NXPE2: variants seen among roughly 807,000 people sequenced by gnomAD.
The protein encoded by NXPE2 is NXPE family member 2.
Under a neutral mutation model 34.4 loss-of-function variants are expected in NXPE2, and 34 were observed. The ratio of observed to expected loss-of-function variants is 0.99; its 90% CI spans 0.75 to 1.31. The LOEUF (loss-of-function observed/expected upper bound fraction) is 1.31. Ranked by LOEUF, NXPE2 falls within the 40% of genes most tolerant of loss-of-function variation. The pLI, the probability that NXPE2 is intolerant of heterozygous loss-of-function variation, is 0.00. For synonymous variants in NXPE2, 235 were observed against 231.3 expected (o/e 1.02, Z -0.15); for missense variants, 649 against 672.5 (o/e 0.97, Z 0.39).
chr11:114,797,124 T>C, the NXPE2 span, among the ~76,000 whole-genome samples: 5 of 152,306 alleles, frequency 3.3e-5, no homozygotes, highest in Admixed American at 6.5e-5. Context: ...ATCGCATGAC[T>C]CACGGTGTAT....
the NXPE2 span, among the ~76,000 whole-genome samples, chr11:114,765,805 A>T: frequency 1.3e-5 from 2 of 151,940 alleles, no homozygotes; most frequent in South Asian, 2.1e-4. Context: ...ACTTGTGAGG[A>T]TTCTCCAAGG....
chr11:114,662,919 C>T, the NXPE2 span, among the ~76,000 whole-genome samples: 11 of 152,126 alleles, frequency 7.2e-5, no homozygotes, highest in Admixed American at 2.0e-4. Context: ...ATATTGAGGG[C>T]CTTGGGTGAG....
the NXPE2 span, among the ~76,000 whole-genome samples, chr11:114,579,362 T>G: frequency 2.7e-4 from 41 of 152,226 alleles, 1 homozygote; most frequent in East Asian, 6.6e-3. Flanking sequence ...AACATGAGAT[T>G]TGGAGGGGAC....
chr11:114,579,059 G>A, the NXPE2 span, among the ~76,000 whole-genome samples: 1 of 152,166 alleles, frequency 6.6e-6, no homozygotes, highest in South Asian at 2.1e-4. Flanking sequence ...GGCTTATTTG[G>A]CTGATGGTTC....
chr11:114,595,949 T>G, the NXPE2 span, among the ~76,000 whole-genome samples: 365 of 152,256 alleles, frequency 2.4e-3, 5 homozygotes, highest in Non-Finnish European at 3.8e-3. Flanking sequence ...AATAAATAAC[T>G]GATGAGAAAA....
chr11:114,614,983 A>G, the NXPE2 span, among the ~76,000 whole-genome samples: 1 of 150,674 alleles, frequency 6.6e-6, no homozygotes, highest in South Asian at 2.1e-4. Context: ...CTCGTGAGTA[A>G]CCACTGTTAC....
chr11:114,720,820 G>A, the NXPE2 span, among the ~76,000 whole-genome samples: 1 of 152,088 alleles, frequency 6.6e-6, no homozygotes, highest in African/African-American at 2.4e-5. Flanking sequence ...AATGTATTCA[G>A]GTCCAGGCAC....
chr11:114,469,501 T>G, the NXPE2 span, among the ~76,000 whole-genome samples: 3 of 152,040 alleles, frequency 2.0e-5, no homozygotes, highest in African/African-American at 7.2e-5. Context: ...TTTCATACTT[T>G]TTTTTTGAGA....
At chr11:114,762,510 A>C in the NXPE2 span, among the ~76,000 whole-genome samples, 29 of 152,198 alleles carry the variant, frequency 1.9e-4, no homozygotes, top group African/African-American at 6.3e-4. Flanking sequence ...AAATGCTGCT[A>C]TCATAAACGA....
chr11:114,585,607 G>GTA, the NXPE2 span, among the ~76,000 whole-genome samples: 3 of 151,968 alleles, frequency 2.0e-5, no homozygotes, highest in Admixed American at 6.6e-5. Context: ...GTGTGTGTGT[G>GTA]TGTATATATA....
the NXPE2 span, among the ~76,000 whole-genome samples, chr11:114,465,851 TAAC>T: frequency 1.3e-5 from 2 of 152,314 alleles, no homozygotes; most frequent in African/African-American, 4.8e-5. Flanking sequence ...ATGAAGAACT[TAAC>T]AACGGCATGG....
At chr11:114,774,047 C>G in the NXPE2 span, among the ~76,000 whole-genome samples, 1 of 152,206 alleles carries the variant, frequency 6.6e-6, no homozygotes, top group African/African-American at 2.4e-5. Context: ...CAGGTAATGC[C>G]TCTACTGCTC....
chr11:114,746,017 T>G, the NXPE2 span, among the ~76,000 whole-genome samples: 1 of 152,070 alleles, frequency 6.6e-6, no homozygotes, highest in Non-Finnish European at 1.5e-5. Context: ...TAAATATAAA[T>G]TTTATATATC....
the NXPE2 span, among the ~76,000 whole-genome samples, chr11:114,739,280 TTTCC>T: frequency 0.038 from 3,667 of 96,628 alleles, 173 homozygotes; most frequent in Middle Eastern, 0.067. Flanking sequence ...TTGCCATTAT[TTTCC>T]TTCCTTCCTT....
chr11:114,522,483 G>A, the NXPE2 span: 1 of 1,600,672 alleles, frequency 6.2e-7, no homozygotes, highest in African/African-American at 1.3e-5. Flanking sequence ...CCAGTTTCAT[G>A]AAGATCAAAA....
At chr11:114,544,145 G>A in the NXPE2 span, among the ~76,000 whole-genome samples, 1 of 152,118 alleles carries the variant, frequency 6.6e-6, no homozygotes, top group Non-Finnish European at 1.5e-5. Context: ...ATATTGTTAG[G>A]ATGTCAGTTC....
the NXPE2 span, among the ~76,000 whole-genome samples, chr11:114,758,161 ACTT>A: frequency 0.11 from 16,381 of 152,078 alleles, 996 homozygotes; most frequent in Middle Eastern, 0.16. Context: ...AGACACTATG[ACTT>A]CTTCTCCGTC....
At chr11:114,723,919 G>T in the NXPE2 span, among the ~76,000 whole-genome samples, 1 of 152,098 alleles carries the variant, frequency 6.6e-6, no homozygotes, top group East Asian at 1.9e-4. Flanking sequence ...GCACAGAACC[G>T]AACCCTCTCC....
chr11:114,576,697 G>A, the NXPE2 span, among the ~76,000 whole-genome samples: 1 of 151,860 alleles, frequency 6.6e-6, no homozygotes, highest in Non-Finnish European at 1.5e-5. Flanking sequence ...AATAATGTTG[G>A]TGTGGATGCA....
Sources: gnomAD v4.1 joint callset for allele counts (sites outside exome capture counted in the v4.1 genomes callset) on GRCh38, gnomAD v4.1.1 for gene constraint, MANE v1.5 for transcripts, NCBI Gene and HGNC (gene_info 2026-07-23, HGNC 2026-07-21) for gene names.